Variants in NUAK1 observed in about 807,000 individuals in gnomAD.
The protein encoded by NUAK1 is NUAK family kinase 1, also known as NUAK family SNF1-like kinase 1.
Under a neutral mutation model 56.9 loss-of-function variants are expected in NUAK1, and 26 were observed. The ratio of observed to expected loss-of-function variants is 0.46; its 90% confidence interval spans 0.33 to 0.63. The LOEUF (loss-of-function observed/expected upper bound fraction) is 0.63, where lower values mean the gene tolerates loss of function less well. NUAK1 is among the 30% of genes least tolerant of loss of function. The pLI is 0.02. For synonymous variants in NUAK1, 337 were observed against 336.0 expected, an observed-to-expected ratio of 1.00 and a Z score of -0.03; for missense variants, 727 against 876.1, an observed-to-expected ratio of 0.83 and a Z score of 2.15.
chr12:106,092,379 G>A (rs142591113), intron 2 of NUAK1, among the ~76,000 whole-genome samples: 3 of 151,978 alleles, frequency 2.0e-5, no homozygotes, highest in African/African-American at 4.8e-5. Flanking sequence ...TTAGCTGGGC[G>A]TGGTAGTGGG....
At chr12:106,075,286 A>AACACACACAC (rs370123170) in intron 4 of NUAK1, among the ~76,000 whole-genome samples, 26,488 of 133,448 alleles carry the variant, frequency 0.2, 2,781 homozygotes, top group Admixed American at 0.23. Flanking sequence ...AGTATTAATC[A>AACACACACAC]ACACACACAC....
Position 106,072,014 on chromosome 12 carries a change from A to G in NUAK1, c.699+710T>C, listed in dbSNP as rs114888748. On this transcript the variant is annotated intron_variant, in intron 5 of 6. Coordinates refer to ENST00000261402, the MANE Select transcript of NUAK1 (RefSeq NM_014840.3). ...GAGAATCATCACTCACAACTCACTC[A>G]TTTTCAAAATAAAATTTCCATATAC... is the stretch of plus-strand genomic sequence containing the variant. 1.3e-3 allele frequency among the ~76,000 whole-genome samples: 200 copies of G among 152,320 alleles called. 2 individuals are homozygous for G. The highest frequency in any genetic ancestry group is 4.4e-3 in the African/African-American group (184 of 41,566).
chr12:106,078,059 A>T (rs4580004), intron 4 of NUAK1, among the ~76,000 whole-genome samples: 3,193 of 152,346 alleles, frequency 0.021, 115 homozygotes, highest in African/African-American at 0.074. Flanking sequence ...TCAAAGCCAG[A>T]TTAAACAAGA....
At chr12:106,126,801 C>G (rs991014008) in intron 1 of NUAK1, among the ~76,000 whole-genome samples, 1 of 152,144 alleles carries the variant, frequency 6.6e-6, no homozygotes, top group African/African-American at 2.4e-5. Flanking sequence ...CCTGGGTGCT[C>G]AATGTGCCCA....
At chr12:106,109,315 G>C (rs1020504476) in intron 1 of NUAK1, among the ~76,000 whole-genome samples, 4 of 152,292 alleles carry the variant, frequency 2.6e-5, no homozygotes, top group African/African-American at 9.6e-5. Context: ...TTACATGCCA[G>C]GGATCTTTGC....
At chr12:106,134,304 G>A (rs2033107850) in intron 1 of NUAK1, among the ~76,000 whole-genome samples, 2 of 152,232 alleles carry the variant, frequency 1.3e-5, no homozygotes, top group Non-Finnish European at 2.9e-5. Context: ...GGCTTGGCAG[G>A]CCAGTTTGCT....
chr12:106,137,636 C>A (rs1239847152), intron 1 of NUAK1, among the ~76,000 whole-genome samples: 1 of 152,222 alleles, frequency 6.6e-6, no homozygotes, highest in Non-Finnish European at 1.5e-5. Context: ...GTGCCAGGAC[C>A]CTGGCAGGGT....
intron 4 of NUAK1, among the ~76,000 whole-genome samples, chr12:106,075,187 G>C (rs2032448041): frequency 6.6e-6 from 1 of 151,928 alleles, no homozygotes; most frequent in Admixed American, 6.6e-5. Context: ...ATGTTTATCA[G>C]CCTCTCCCAG....
intron 2 of NUAK1, among the ~76,000 whole-genome samples, chr12:106,095,566 C>G (rs940725388): frequency 1.7e-4 from 26 of 152,316 alleles, no homozygotes; most frequent in African/African-American, 5.5e-4. Flanking sequence ...TTACGTCTCA[C>G]TGTGAATATT....
chr12:106,138,343 C>T lies in NUAK1; in HGVS notation c.240+71G>A. The T allele has an allele frequency of 6.6e-7, 1 of 1,518,814 alleles. No individual in the cohort carries two copies. The highest frequency in any genetic ancestry group is 2.3e-5 in the East Asian group (1 of 43,714). 94.1% of individuals were successfully genotyped at this position (1,518,814 alleles called of 1,614,324 possible). ...GAGCCCCAGGGCGCACAGACCCCCG[C>T]CTCGCACGCCCTCAGTCCCCGGCCG... On this transcript the variant is annotated intron_variant, in intron 1 of 6. Transcript: ENST00000261402. The surrounding 1 kb of genome is among the most constrained non-coding windows in gnomAD (Gnocchi z 5.0).
At chr12:106,088,658 G>A (rs886548678) in intron 2 of NUAK1, among the ~76,000 whole-genome samples, 16 of 152,162 alleles carry the variant, frequency 1.1e-4, no homozygotes, top group African/African-American at 3.6e-4. Flanking sequence ...CTGCTGGGAG[G>A]ACTTATTGAT....
At chr12:106,106,680 T>C (rs568106567) in intron 1 of NUAK1, among the ~76,000 whole-genome samples, 155 bp from the exon 2 acceptor site, 6 of 152,326 alleles carry the variant, frequency 3.9e-5, no homozygotes, top group South Asian at 2.1e-4. Context: ...ATGTCTTTCA[T>C]ACACAGCAAA....
chr12:106,077,791 A>G (rs1043936322), intron 4 of NUAK1, among the ~76,000 whole-genome samples: 9 of 152,224 alleles, frequency 5.9e-5, no homozygotes, highest in Admixed American at 4.6e-4. Flanking sequence ...TATAATACGC[A>G]CTTGCACATT....
intron 6 of NUAK1, among the ~76,000 whole-genome samples, chr12:106,068,863 G>A (rs2032372865): frequency 6.6e-6 from 1 of 152,196 alleles, no homozygotes; most frequent in South Asian, 2.1e-4. Flanking sequence ...AGCTGGCAAA[G>A]GCCTGGTAAT....
chr12:106,087,844 C>T (rs368388812), intron 2 of NUAK1, among the ~76,000 whole-genome samples: 2 of 152,308 alleles, frequency 1.3e-5, no homozygotes, highest in African/African-American at 4.8e-5. Flanking sequence ...AGATGGCCTC[C>T]CAAAGAGCTG....
In NUAK1 at chr12:106,070,843, C is replaced by T. The variant is rs773648313; in HGVS notation, c.763G>A (p.Gly255Ser). The change falls in exon 6 of 7, where the codon GGT becomes AGT. Residue 255 changes from glycine to serine, a missense_variant. Physicochemically the swap from Gly to Ser is moderately conservative, Grantham distance 56 (BLOSUM62 0). Transcript: ENST00000261402. ...CGAATGAGGTTTTTGTGATCGAAAC[C>T]ATCGAAGGGCATTGTTCCATAAACA... ...TLVYGTMPFDGFDHKNLIRQI... is the reference protein window; with the variant it reads ...TLVYGTMPFDSFDHKNLIRQI... The T allele has an allele frequency of 5.0e-6, 8 of 1,614,144 alleles. No homozygotes were observed. In the Admixed American group the frequency reaches 1.2e-4, roughly 24 times the overall value.
In NUAK1 at chr12:106,067,416, G is replaced by T. The variant is rs373657293; in HGVS notation, c.1372C>A (p.Gln458Lys). 17 of 1,614,090 alleles carry T rather than the reference G, an allele frequency of 1.1e-5. No homozygotes were observed. The highest frequency in any genetic ancestry group is 1.3e-5 in the African/African-American group (1 of 74,930). The change falls in exon 7 of 7, where the codon CAG (glutamine) becomes AAG (lysine). Residue 458 changes from glutamine (Q) to lysine (K), a missense_variant. Coordinates refer to ENST00000261402, the MANE Select transcript of NUAK1 (RefSeq NM_014840.3). The surrounding 1 kb of genome is among the most constrained non-coding windows in gnomAD (Gnocchi z 6.0). ...AEVPGKLSPK[Q>K]SATMPKKGIL... The stretch of plus-strand genomic sequence containing the variant: ...CCTTTCTTGGGCATCGTGGCCGACT[G>T]CTTGGGGCTGAGTTTTCCCGGCACC...
At chr12:106,117,755 A>G (rs1364120941) in intron 1 of NUAK1, among the ~76,000 whole-genome samples, 1 of 152,202 alleles carries the variant, frequency 6.6e-6, no homozygotes. Flanking sequence ...CACACCTACA[A>G]ACTATTTACC....
intron 2 of NUAK1, among the ~76,000 whole-genome samples, chr12:106,100,383 T>C (rs2032735113): frequency 6.6e-6 from 1 of 152,090 alleles, no homozygotes; most frequent in African/African-American, 2.4e-5. Flanking sequence ...TTCTCTCCTC[T>C]GAGCATTTGC....
Sources: allele counts gnomAD v4.1 joint callset (sites outside exome capture counted in the v4.1 genomes callset), GRCh38; gene constraint gnomAD v4.1.1; non-coding constraint Gnocchi (gnomAD v3.1); transcripts MANE v1.5; gene names NCBI Gene and HGNC (gene_info 2026-07-23, HGNC 2026-07-21).